CFAP47: variants seen among roughly 807,000 people sequenced by gnomAD.
The protein encoded by CFAP47 is cilia- and flagella-associated protein 47.
A neutral mutation model predicts 148.1 loss-of-function variants in CFAP47; 29 were observed. That is an observed-to-expected ratio of 0.20 (90% CI 0.15 to 0.27). CFAP47 has a LOEUF of 0.27. Among genes scored for constraint, CFAP47 ranks in the 10% least tolerant of loss-of-function variants. The pLI is 1.00. For synonymous variants in CFAP47, 664 were observed against 577.3 expected (o/e 1.15, Z -2.15); for missense variants, 1,872 against 1,697.5 (o/e 1.10, Z -1.81).
At chrX:36,146,265 T>C (rs892048958) in intron 36 of CFAP47, among the ~76,000 whole-genome samples, 1 of 111,995 alleles carries the variant, frequency 8.9e-6, no homozygotes, top group African/African-American at 3.2e-5. Flanking sequence ...TTACCAATTC[T>C]CTATTTCTGT....
chrX:36,244,589 G>A lies in CFAP47; in HGVS notation c.7333-6744G>A, dbSNP rs914072865. 4.5e-5 allele frequency among the ~76,000 whole-genome samples: 5 copies of A among 111,564 alleles called. No individual in the cohort carries two copies. In the East Asian group the frequency reaches 1.4e-3, roughly 31 times the overall value. On this transcript the variant is annotated intron_variant, in intron 48 of 63. Coordinates refer to ENST00000378653, the MANE Select transcript of CFAP47 (RefSeq NM_001304548.2). ...CACGGAAATACAAAAGATCCTCAGA[G>A]ACTATTATCATCAACTCTATGCAGA...
intron 44 of CFAP47, among the ~76,000 whole-genome samples, chrX:36,202,611 C>T (rs1939993757): frequency 9.0e-6 from 1 of 111,628 alleles, no homozygotes; most frequent in Non-Finnish European, 1.9e-5. Context: ...GGCGTGGTGT[C>T]TCACGCCTGT....
chrX:36,342,361 C>T (rs782564378), intron 57 of CFAP47, among the ~76,000 whole-genome samples: 4 of 111,720 alleles, frequency 3.6e-5, no homozygotes, highest in African/African-American at 1.3e-4. Context: ...TTTAAAATAC[C>T]GTTTGTTCCC....
chrX:36,198,610 A>G (rs782330898), intron 42 of CFAP47, among the ~76,000 whole-genome samples: 141 of 112,509 alleles, frequency 1.3e-3, no homozygotes, highest in Non-Finnish European at 2.0e-3. Context: ...CAAAATGTCA[A>G]GGAAATCTAT....
intron 57 of CFAP47, among the ~76,000 whole-genome samples, chrX:36,347,448 T>C (rs1178927791): frequency 8.9e-6 from 1 of 112,035 alleles, no homozygotes; most frequent in Non-Finnish European, 1.9e-5. Context: ...CGCAAAGGAT[T>C]ATAAATCCTT....
At chrX:35,946,447 T>C (rs1249436614) in intron 3 of CFAP47, among the ~76,000 whole-genome samples, 2 of 111,758 alleles carry the variant, frequency 1.8e-5, no homozygotes, top group Non-Finnish European at 3.8e-5. Context: ...ACTGACTCAG[T>C]CCTAACTAAA....
intron 33 of CFAP47, among the ~76,000 whole-genome samples, chrX:36,125,297 A>C (rs1938816234): frequency 9.0e-6 from 1 of 111,639 alleles, no homozygotes; most frequent in African/African-American, 3.3e-5. Context: ...AACAGAGCCC[A>C]AATCCCTTCT....
At chrX:35,988,679 T>C (rs911779266) in intron 15 of CFAP47, among the ~76,000 whole-genome samples, 2 of 112,023 alleles carry the variant, frequency 1.8e-5, no homozygotes, top group Non-Finnish European at 3.8e-5. Context: ...TCTAAGTTAT[T>C]GTTTCCATTA....
intron 51 of CFAP47, among the ~76,000 whole-genome samples, chrX:36,296,922 C>T (rs1461696197): frequency 1.8e-5 from 2 of 111,932 alleles, no homozygotes; most frequent in Admixed American, 9.5e-5. Flanking sequence ...AAATTAGTCA[C>T]TGTTCAGTAT....
At chrX:36,371,727 CAT>C (rs781888277) in intron 62 of CFAP47, among the ~76,000 whole-genome samples, 12 of 53,441 alleles carry the variant, frequency 2.2e-4, no homozygotes, top group South Asian at 1.3e-3. Flanking sequence ...TATATACACA[CAT>C]GTGTGTATAT....
At chrX:36,239,389 C>G (rs1020784847) in intron 48 of CFAP47, among the ~76,000 whole-genome samples, 22 of 112,235 alleles carry the variant, frequency 2.0e-4, no homozygotes, top group African/African-American at 7.1e-4. Flanking sequence ...GGCATTTTAA[C>G]TTGAATTATT....
intron 37 of CFAP47, among the ~76,000 whole-genome samples, chrX:36,150,441 A>G (rs1939294874): frequency 8.9e-6 from 1 of 112,236 alleles, no homozygotes; most frequent in African/African-American, 3.2e-5. Flanking sequence ...AACTTTAACT[A>G]GTCTTGAATT....
At chrX:36,302,812 C>T (rs972931172) in intron 53 of CFAP47, among the ~76,000 whole-genome samples, 4 of 111,854 alleles carry the variant, frequency 3.6e-5, no homozygotes, top group Non-Finnish European at 7.5e-5. Context: ...TCTGTTATTA[C>T]GACTAGACTG....
intron 3 of CFAP47, among the ~76,000 whole-genome samples, chrX:35,943,845 G>C (rs570247266): frequency 5.4e-5 from 6 of 110,914 alleles, no homozygotes; most frequent in Middle Eastern, 4.6e-3. Context: ...CACATGGTAG[G>C]TGTATATATT....
chrX:35,921,721 T>G (rs1350005217), intron 1 of CFAP47, among the ~76,000 whole-genome samples: 1 of 111,600 alleles, frequency 9.0e-6, no homozygotes, highest in Non-Finnish European at 1.9e-5. Context: ...TGCAAGACTA[T>G]GAAATGCACT....
chrX:36,135,281 C>T (rs1427684042), intron 33 of CFAP47, among the ~76,000 whole-genome samples: 1 of 111,073 alleles, frequency 9.0e-6, no homozygotes, highest in African/African-American at 3.3e-5. Flanking sequence ...CCCCCAAAAC[C>T]TATGGAAATA....
intron 25 of CFAP47, among the ~76,000 whole-genome samples, chrX:36,042,388 A>C (rs1461054156): frequency 9.0e-6 from 1 of 111,679 alleles, no homozygotes; most frequent in Non-Finnish European, 1.9e-5. Context: ...ATTTTTTCAT[A>C]TAGAAAATTC....
In CFAP47 at chrX:36,104,549, C is replaced by G. The variant is rs765991520; in HGVS notation, c.5178C>G (p.Pro1726=). 9.9e-7 allele frequency: 1 copy of G among 1,014,012 alleles called. No homozygotes were observed. The highest frequency in any genetic ancestry group is 3.2e-5 in the East Asian group (1 of 31,638). 83.6% of individuals were successfully genotyped at this position (1,014,012 alleles called of 1,213,427 possible). Residue 1726 remains proline (P), a synonymous_variant, in exon 33 of 64, where the codon CCC becomes CCG. Transcript: ENST00000378653. ...VVPYCSNNMP[P]ICVQNTPKVN... is the part of the protein sequence containing the mutation. The stretch of plus-strand genomic sequence containing the variant: ...CATACTGCAGCAATAATATGCCCCC[C>G]ATATGTGTGCAAAATACACCAAAAG...
intron 31 of CFAP47, 96 bp downstream of exon 31, chrX:36,098,970 G>T: frequency 2.8e-6 from 1 of 357,501 alleles, no homozygotes; most frequent in Non-Finnish European, 4.8e-6. Context: ...AGACTGTTGA[G>T]TTTTATATGC....
Sources: gnomAD v4.1 joint callset for allele counts (sites outside exome capture counted in the v4.1 genomes callset) on GRCh38, gnomAD v4.1.1 for gene constraint, MANE v1.5 for transcripts, NCBI Gene and HGNC (gene_info 2026-07-23, HGNC 2026-07-21) for gene names.